CPB2: variants seen among roughly 807,000 people sequenced by gnomAD.
CPB2 encodes the protein carboxypeptidase B2.
A neutral mutation model predicts 57.0 loss-of-function variants in CPB2; 54 were observed. The ratio of observed to expected loss-of-function variants is 0.95; its 90% confidence interval spans 0.76 to 1.19. The LOEUF (loss-of-function observed/expected upper bound fraction) is 1.19. Among genes scored for constraint, CPB2 ranks in the 50% most tolerant of loss-of-function variants. The probability of loss-of-function intolerance (pLI) is 0.00; values close to 1 mark genes in which losing one functional copy is unlikely to be tolerated. For missense variants in CPB2, 426 were observed against 512.0 expected (o/e 0.83, Z 1.62); for synonymous variants, 189 against 178.1 (o/e 1.06, Z -0.49).
chr13:46,087,063 C>A (rs562793140), intron 2 of CPB2, among the ~76,000 whole-genome samples: 6 of 152,328 alleles, frequency 3.9e-5, no homozygotes, highest in Non-Finnish European at 8.8e-5. Flanking sequence ...GTCTGCAACC[C>A]CAGCTGGGCA....
intron 4 of CPB2, among the ~76,000 whole-genome samples, chr13:46,080,953 CAGAG>C (rs1335859859): frequency 9.2e-6 from 1 of 108,486 alleles, no homozygotes; most frequent in Non-Finnish European, 1.7e-5. Flanking sequence ...GCCTGGGTGA[CAGAG>C]AGAAACTCTG....
chr13:46,053,731 T>A lies in CPB2; in HGVS notation c.1155A>T (p.Glu385Asp). The change falls in exon 11 of 11, where the codon GAA (glutamate) becomes GAT (aspartate). Residue 385 changes from glutamate to aspartate, a missense_variant. Coordinates refer to ENST00000181383, the MANE Select transcript of CPB2 (RefSeq NM_001872.5). ...ATCCGTATGTGCCCGTATCTCGAAG[T>A]TCAATTGTAAACGAATATTTGATGC... ...DLGIKYSFTI[E>D]LRDTGTYGFL... 6.2e-7 allele frequency: 1 copy of A among 1,614,154 alleles called. No individual in the cohort carries two copies. The highest frequency in any genetic ancestry group is 8.5e-7 in the Non-Finnish European group (1 of 1,180,014).
At position 46,069,928 on chromosome 13, in the gene CPB2, A is replaced by G. The variant is rs146003373; in HGVS notation, c.592-2511T>C. 4.7e-3 allele frequency among the ~76,000 whole-genome samples: 713 copies of G among 152,332 alleles called. 3 individuals carry two copies. The highest frequency in any genetic ancestry group is 0.016 in the African/African-American group (685 of 41,576). ...ACATTGTTTTTCAAAGTGACTGAAG[A>G]AATTTTGCCTGACGACAAATAAATA... On this transcript the variant is annotated intron_variant, in intron 6 of 10. Coordinates refer to ENST00000181383, the MANE Select transcript of CPB2 (RefSeq NM_001872.5).
At chr13:46,060,292 G>A (rs1045280759) in intron 8 of CPB2, among the ~76,000 whole-genome samples, 7 of 151,880 alleles carry the variant, frequency 4.6e-5, no homozygotes, top group African/African-American at 9.7e-5. Context: ...GTGAAACCCC[G>A]TCTCTACCAA....
intron 1 of CPB2, among the ~76,000 whole-genome samples, chr13:46,103,908 C>T (rs1297854675): frequency 5.3e-5 from 8 of 152,152 alleles, no homozygotes; most frequent in Non-Finnish European, 1.2e-4. Flanking sequence ...TCTTGACCCC[C>T]ACGTCAATTA....
At position 46,104,955 on chromosome 13, in the gene CPB2, G is replaced by T. The variant is rs1172733842; in HGVS notation, c.55C>A (p.His19Asn). 6.2e-7 allele frequency: 1 copy of T among 1,613,868 alleles called. No individual in the cohort carries two copies. Among genetic ancestry groups the T allele is most frequent in the African/African-American group, 1.3e-5 (1 of 74,912 alleles). The change falls in exon 1 of 11, where the codon CAT becomes AAT. Residue 19 changes from histidine to asparagine, a missense_variant. Physicochemically the swap from His to Asn is moderately conservative, Grantham distance 68. Transcript: ENST00000181383. The stretch of plus-strand genomic sequence containing the variant: ...GGTTACCTCTGAAACGCGAAGACAT[G>T]CTGCTCACAGAAGAGAACAATGGGT... The part of the protein sequence containing the change: ...LVPIVLFCEQ[H>N]VFAFQSGQVL...
At chr13:46,093,467 C>T (rs2045323026) in intron 1 of CPB2, among the ~76,000 whole-genome samples, 1 of 152,168 alleles carries the variant, frequency 6.6e-6, no homozygotes, top group Non-Finnish European at 1.5e-5. Context: ...TGTGAATGCT[C>T]AGCAGTAACA....
Position 46,084,247 on chromosome 13 carries a change from G to T in CPB2, c.247C>A (p.His83Asn), listed in dbSNP as rs2045164216. 5 of 1,614,032 alleles carry T rather than the reference G, an allele frequency of 3.1e-6. No individual in the cohort carries two copies. The highest frequency in any genetic ancestry group is 1.7e-5 in the Admixed American group (1 of 60,012). ...NASDVDNVKA[H>N]LNVSGIPCSV... ...CATGGAATTCCGCTCACATTTAAATGGGCTTTCACATTGTCGACATCAGAT... is the reference window on the plus strand; with the variant it reads ...CATGGAATTCCGCTCACATTTAAATTGGCTTTCACATTGTCGACATCAGAT... Residue 83 changes from histidine (H) to asparagine (N), a missense_variant, in exon 3 of 11, where the codon CAT (histidine) becomes AAT (asparagine). His to Asn is a moderately conservative substitution (Grantham distance 68, BLOSUM62 1). Transcript: ENST00000181383.
In CPB2 at chr13:46,103,290, G is replaced by A. The variant is rs562826448; in HGVS notation, c.74+1646C>T. Among the ~76,000 whole-genome samples the A allele has an allele frequency of 2.2e-3, 330 of 152,372 alleles. 1 individual carries two copies. The highest frequency in any genetic ancestry group is 4.0e-3 in the Non-Finnish European group (271 of 68,046). Reference sequence around the variant, plus strand: ...TGGGCTGACGCCAAGGCCATGATTAGATCTGCTAGTGGGTGAGAACCATGA... The same window carrying A: ...TGGGCTGACGCCAAGGCCATGATTAAATCTGCTAGTGGGTGAGAACCATGA... On this transcript the variant is annotated intron_variant, in intron 1 of 10. Transcript: ENST00000181383.
chr13:46,087,042 G>A (rs2045218564), intron 2 of CPB2, among the ~76,000 whole-genome samples: 1 of 152,224 alleles, frequency 6.6e-6, no homozygotes, highest in Admixed American at 6.5e-5. Context: ...TGAGAGTGCA[G>A]AAATGCCTGG....
intron 9 of CPB2, among the ~76,000 whole-genome samples, chr13:46,057,606 T>C (rs1331624186): frequency 6.6e-6 from 1 of 152,186 alleles, no homozygotes. Context: ...TAAAAAGTGC[T>C]AAGGGAGTAT....
At chr13:46,103,172 A>G (rs2045457304) in intron 1 of CPB2, among the ~76,000 whole-genome samples, 1 of 152,222 alleles carries the variant, frequency 6.6e-6, no homozygotes, top group African/African-American at 2.4e-5. Flanking sequence ...TATCCTATCC[A>G]AGAGTTTGGG....
chr13:46,103,233 C>A (rs538102511), intron 1 of CPB2, among the ~76,000 whole-genome samples: 44 of 152,336 alleles, frequency 2.9e-4, no homozygotes, highest in African/African-American at 9.4e-4. Context: ...TGCCCGCCAA[C>A]CTCTGCAACA....
intron 1 of CPB2, among the ~76,000 whole-genome samples, chr13:46,088,660 A>G (rs1427941988): frequency 1.3e-5 from 2 of 152,222 alleles, no homozygotes; most frequent in Admixed American, 1.3e-4. Context: ...CCTCCTTGCC[A>G]ATACCTGATG....
intron 10 of CPB2, among the ~76,000 whole-genome samples, chr13:46,055,556 T>A (rs1439177936): frequency 6.6e-6 from 1 of 152,236 alleles, no homozygotes; most frequent in Non-Finnish European, 1.5e-5. Context: ...AATAGGATTT[T>A]GGCTTCTTTT....
At position 46,073,950 on chromosome 13, in the gene CPB2, T is replaced by A; in HGVS notation, c.514A>T (p.Asn172Tyr). The change falls in exon 6 of 11, where the codon AAT becomes TAT. Residue 172 changes from asparagine (N) to tyrosine (Y), a missense_variant. Asn to Tyr is a moderately radical substitution (Grantham distance 143). Transcript: ENST00000181383. ...ATTCCACAGTCAATCCATATGGCAT[T>A]TTTGGCTGCTTGTTCTTTTCCAGAA... ...KVSGKEQAAKNAIWIDCGIHA... is the reference protein window; with the variant it reads ...KVSGKEQAAKYAIWIDCGIHA... 6.3e-7 allele frequency: 1 copy of A among 1,588,826 alleles called. No homozygotes were observed.
chr13:46,053,937 C>T, intron 10 of CPB2, 139 bp from the exon 11 acceptor site: 1 of 719,684 alleles, frequency 1.4e-6, no homozygotes. Flanking sequence ...AACAACTTTA[C>T]AATGAGTACC....
At chr13:46,060,215 C>A (rs1386223489) in intron 8 of CPB2, among the ~76,000 whole-genome samples, 1 of 152,176 alleles carries the variant, frequency 6.6e-6, no homozygotes, top group Non-Finnish European at 1.5e-5. Flanking sequence ...ATAATCCCAG[C>A]ACTTTGGGAG....
chr13:46,092,057 ATT>A (rs2045301339), intron 1 of CPB2, among the ~76,000 whole-genome samples: 1 of 151,992 alleles, frequency 6.6e-6, no homozygotes, highest in African/African-American at 2.4e-5. Context: ...ACTGAACGAG[ATT>A]TTTCTTTTAT....
Sources: allele counts gnomAD v4.1 joint callset (sites outside exome capture counted in the v4.1 genomes callset), GRCh38; gene constraint gnomAD v4.1.1; transcripts MANE v1.5; gene names NCBI Gene and HGNC (gene_info 2026-07-23, HGNC 2026-07-21).